PDZD2: variants seen among roughly 807,000 people sequenced by gnomAD.
PDZD2 encodes PDZ domain containing 2.
Under a neutral mutation model 220.7 loss-of-function variants are expected in PDZD2, and 90 were observed. The observed-to-expected ratio is 0.41, with a 90% CI of 0.34 to 0.49. The LOEUF is 0.49. Among genes scored for constraint, PDZD2 ranks in the 20% least tolerant of loss-of-function variants. The probability of loss-of-function intolerance (pLI) is 0.28; values close to 1 mark genes in which losing one functional copy is unlikely to be tolerated. For missense variants in PDZD2, 3,174 were observed against 3,608.5 expected, an observed-to-expected ratio of 0.88 and a Z score of 3.08; for synonymous variants, 1,375 against 1,450.5, an observed-to-expected ratio of 0.95 and a Z score of 1.18.
Position 32,077,770 on chromosome 5 carries a change from A to C in PDZD2, c.3682+164A>C. On this transcript the variant is annotated intron_variant, in intron 19 of 24. Coordinates refer to ENST00000438447, the MANE Select transcript of PDZD2 (RefSeq NM_178140.4). ...TCAGGAGTTTGAGACCAGCCTGGCC[A>C]ACATGGTGAAACCCCATCTCTACTA... 5.0e-6 allele frequency: 3 copies of C among 599,608 alleles called. No individual in the cohort carries two copies. The South Asian group carries it at 5.4e-5, about 11-fold the overall frequency. 37.1% of individuals were successfully genotyped at this position (599,608 alleles called of 1,614,324 possible). A position where few individuals can be genotyped will look rare whatever the true frequency, so the allele number is the denominator to read the frequency against.
Position 31,749,371 on chromosome 5 carries a change from G to A in PDZD2, c.-360-49518G>A, listed in dbSNP as rs73056579. ...GCATGGCAGTAAATCTGGGGTAGAC[G>A]TCTGTCTCCATTGTGCCTAGCTGAT... On this transcript the variant is annotated intron_variant, in intron 1 of 24. Coordinates refer to ENST00000438447, the MANE Select transcript of PDZD2 (RefSeq NM_178140.4). 4.4e-3 allele frequency among the ~76,000 whole-genome samples: 673 copies of A among 151,808 alleles called. 9 individuals carry two copies. The highest frequency in any genetic ancestry group is 0.015 in the African/African-American group (638 of 41,392).
chr5:31,912,327 C>A lies in PDZD2; in HGVS notation c.477-70828C>A, dbSNP rs576995543. 4.7e-5 allele frequency among the ~76,000 whole-genome samples: 7 copies of A among 150,284 alleles called. No individual in the cohort carries two copies. In the South Asian group the frequency reaches 8.3e-4, roughly 18 times the overall value. ...GGGTATCTTTCATAAGGACACTAATCCCACTCATGAGCGCTCCTCTTTCAT... is the reference window on the plus strand; with the variant it reads ...GGGTATCTTTCATAAGGACACTAATACCACTCATGAGCGCTCCTCTTTCAT... On this transcript the variant is annotated intron_variant, in intron 2 of 24. Coordinates refer to ENST00000438447, the MANE Select transcript of PDZD2 (RefSeq NM_178140.4).
intron 2 of PDZD2, among the ~76,000 whole-genome samples, chr5:31,880,220 G>A (rs1270263118): frequency 6.6e-6 from 1 of 152,054 alleles, no homozygotes; most frequent in African/African-American, 2.4e-5. Flanking sequence ...ACTGCACCCG[G>A]CCAATACCTG....
At chr5:32,017,266 A>C (rs1394375378) in intron 6 of PDZD2, among the ~76,000 whole-genome samples, 2 of 152,058 alleles carry the variant, frequency 1.3e-5, no homozygotes, top group Non-Finnish European at 2.9e-5. Flanking sequence ...GCAAAACTCC[A>C]TCTCTACTAA....
intron 2 of PDZD2, among the ~76,000 whole-genome samples, chr5:31,919,548 T>C (rs1221892924): frequency 1.3e-5 from 2 of 151,982 alleles, no homozygotes; most frequent in Non-Finnish European, 2.9e-5. Context: ...GGTTTCACCA[T>C]GTTGGCCAGG....
intron 1 of PDZD2, among the ~76,000 whole-genome samples, chr5:31,769,604 T>A (rs189613447): frequency 1.1e-3 from 165 of 152,366 alleles, no homozygotes; most frequent in African/African-American, 3.9e-3. Context: ...ATTTTTAAAT[T>A]GTTTCTCCTG....
chr5:31,821,098 T>C (rs1474486299), intron 2 of PDZD2, among the ~76,000 whole-genome samples: 1 of 152,074 alleles, frequency 6.6e-6, no homozygotes, highest in Non-Finnish European at 1.5e-5. Context: ...TATTACTATA[T>C]GGAAGTTTTA....
At chr5:32,028,177 G>C (rs1301387074) in intron 6 of PDZD2, among the ~76,000 whole-genome samples, 1 of 152,220 alleles carries the variant, frequency 6.6e-6, no homozygotes, top group East Asian at 1.9e-4. Context: ...CGCTTTGCAT[G>C]GTTTGTTCGT....
rs1054382526 is a variant in PDZD2, at chr5:31,765,058, C to T, written c.-360-33831C>T. ...CGCTACTGCACTCCAGCCTGGGCCA[C>T]AGAGCAAGACTGCGTCTCAAGAAAA... On this transcript the variant is annotated intron_variant, in intron 1 of 24. Coordinates refer to ENST00000438447, the MANE Select transcript of PDZD2 (RefSeq NM_178140.4). Among the ~76,000 whole-genome samples, 8 of 140,602 alleles carry T rather than the reference C, an allele frequency of 5.7e-5. No homozygotes were observed. In the East Asian group the frequency reaches 1.7e-3, roughly 30 times the overall value. 92.2% of individuals were successfully genotyped at this position (140,602 alleles called of 152,430 possible). A position where few individuals can be genotyped will look rare whatever the true frequency, so the allele number is the denominator to read the frequency against.
At chr5:31,907,573 T>G (rs925062112) in intron 2 of PDZD2, among the ~76,000 whole-genome samples, 1 of 152,196 alleles carries the variant, frequency 6.6e-6, no homozygotes. Context: ...AATAGCTACA[T>G]GTAGTGGATT....
intron 1 of PDZD2, among the ~76,000 whole-genome samples, chr5:31,784,279 G>A (rs13358620): frequency 0.018 from 2,712 of 152,226 alleles, 74 homozygotes; most frequent in African/African-American, 0.062. Flanking sequence ...CGGGACCTGG[G>A]GCAATAGTGA....
At chr5:31,984,004 C>T (rs1750515552) in intron 3 of PDZD2, among the ~76,000 whole-genome samples, 1 of 152,180 alleles carries the variant, frequency 6.6e-6, no homozygotes, top group Admixed American at 6.5e-5. Flanking sequence ...TTCACTGCAT[C>T]GTTATTTATC....
At chr5:32,064,546 A>G (rs1740022174) in intron 14 of PDZD2, among the ~76,000 whole-genome samples, 2 of 152,088 alleles carry the variant, frequency 1.3e-5, no homozygotes, top group African/African-American at 4.8e-5. Context: ...CCCGGCCTCA[A>G]TCCACTTTTA....
intron 1 of PDZD2, among the ~76,000 whole-genome samples, chr5:31,749,838 T>C (rs964700533): frequency 2.0e-5 from 3 of 152,290 alleles, no homozygotes; most frequent in Non-Finnish European, 2.9e-5. Flanking sequence ...GGACCACTCC[T>C]TCCCCCAGGT....
chr5:31,969,450 A>G (rs902185938), intron 2 of PDZD2, among the ~76,000 whole-genome samples: 1 of 139,430 alleles, frequency 7.2e-6, no homozygotes, highest in African/African-American at 2.7e-5. Flanking sequence ...CAGAGGTTGC[A>G]GTGAGCTGAG....
At chr5:31,933,188 G>A (rs761759024) in intron 2 of PDZD2, among the ~76,000 whole-genome samples, 1 of 152,172 alleles carries the variant, frequency 6.6e-6, no homozygotes, top group Non-Finnish European at 1.5e-5. Flanking sequence ...TAGGATTACA[G>A]GCCATGAGCC....
intron 1 of PDZD2, among the ~76,000 whole-genome samples, chr5:31,708,438 C>T (rs144288014): frequency 5.1e-4 from 78 of 152,092 alleles, no homozygotes; most frequent in African/African-American, 1.8e-3. Context: ...TTAAATTATG[C>T]TTATTCTTTT....
chr5:31,764,530 T>C (rs2008859), intron 1 of PDZD2, among the ~76,000 whole-genome samples: 8,227 of 152,264 alleles, frequency 0.054, 514 homozygotes, highest in African/African-American at 0.15. Flanking sequence ...AACAAAACTT[T>C]CTTCATCTTC....
intron 1 of PDZD2, among the ~76,000 whole-genome samples, chr5:31,781,329 G>A (rs956071712): frequency 1.3e-5 from 2 of 152,198 alleles, no homozygotes; most frequent in African/African-American, 2.4e-5. Flanking sequence ...CAGGAGAATC[G>A]CTTGAACCCA....
Sources: gnomAD v4.1 joint callset for allele counts (sites outside exome capture counted in the v4.1 genomes callset) on GRCh38, gnomAD v4.1.1 for gene constraint, MANE v1.5 for transcripts, NCBI Gene and HGNC (gene_info 2026-07-23, HGNC 2026-07-21) for gene names.